Variants in CTNNA1 observed in about 807,000 individuals in gnomAD.
The protein encoded by CTNNA1 is catenin alpha-1.
Under a neutral mutation model 98.4 loss-of-function variants are expected in CTNNA1, and 37 were observed. The ratio of observed to expected loss-of-function variants is 0.38; its 90% confidence interval spans 0.29 to 0.49. The LOEUF is 0.49. CTNNA1 is among the 20% of genes least tolerant of loss of function. CTNNA1 has a pLI of 0.95. For synonymous variants in CTNNA1, 404 were observed against 413.2 expected (o/e 0.98, Z 0.27); for missense variants, 761 against 1,147.2 (o/e 0.66, Z 4.86).
intron 7 of CTNNA1, chr5:138,869,190 A>G (rs913357273): frequency 6.6e-6 from 1 of 150,842 alleles, no homozygotes; most frequent in African/African-American, 2.4e-5. Context: ...AAAAAAAAAA[A>G]CCGCTAAGGA....
chr5:138,926,246 C>T (rs1211604354), intron 13 of CTNNA1, among the ~76,000 whole-genome samples: 1 of 152,196 alleles, frequency 6.6e-6, no homozygotes, highest in South Asian at 2.1e-4. Flanking sequence ...CCATGTGTCA[C>T]TCAGCCCCTT....
chr5:138,875,540 G>A (rs1751295172), intron 7 of CTNNA1: 2 of 985,378 alleles, frequency 2.0e-6, no homozygotes, highest in South Asian at 4.7e-5. Context: ...TTCCTTCAGT[G>A]TAGGAAGCAG....
rs1384856339 is a variant in CTNNA1 at position 138,875,580 on chromosome 5, A to G, written c.1063-10632A>G. The stretch of plus-strand genomic sequence containing the variant: ...GAGGTTGTAATAAAGGCTGCATTCA[A>G]GAAGACCCATCTGAACAGTGAGTTG... On this transcript the variant is annotated intron_variant, in intron 7 of 17. Transcript: ENST00000302763. The G allele has an allele frequency of 4.1e-6, 4 of 985,382 alleles. No homozygotes were observed. In the Admixed American group the frequency reaches 1.8e-4, roughly 45 times the overall value. 61.0% of individuals were successfully genotyped at this position (985,382 alleles called of 1,614,324 possible). A position where few individuals can be genotyped will look rare whatever the true frequency, so the allele number is the denominator to read the frequency against.
chr5:138,797,898 T>G (rs2662544), intron 3 of CTNNA1, among the ~76,000 whole-genome samples: 1 of 151,420 alleles, frequency 6.6e-6, no homozygotes, highest in Admixed American at 6.6e-5. Context: ...AAAAAAAATT[T>G]AAAAAAAGCA....
At chr5:138,933,082 C>T (rs959288455) in intron 17 of CTNNA1, 54 of 680,834 alleles carry the variant, frequency 7.9e-5, no homozygotes, top group African/African-American at 6.8e-4. Context: ...TGCAGTGAGC[C>T]GAGATGGCAC....
At chr5:138,906,285 G>A (rs1759241003) in intron 10 of CTNNA1, among the ~76,000 whole-genome samples, 1 of 152,124 alleles carries the variant, frequency 6.6e-6, no homozygotes, top group Non-Finnish European at 1.5e-5. Context: ...ATTGACAGCT[G>A]CATAGATATT....
chr5:138,785,156 G>A (rs1190678029), intron 3 of CTNNA1, among the ~76,000 whole-genome samples: 1 of 149,612 alleles, frequency 6.7e-6, no homozygotes, highest in African/African-American at 2.5e-5. Flanking sequence ...CCGCCTCCCG[G>A]GTTCACGCCA....
chr5:138,852,930 T>C (rs1763372701), intron 7 of CTNNA1, among the ~76,000 whole-genome samples: 1 of 151,544 alleles, frequency 6.6e-6, no homozygotes, highest in African/African-American at 2.4e-5. Context: ...TGTTCACAAA[T>C]GTTCACAAAC....
rs1467787122 is a variant in CTNNA1 at position 138,863,045 on chromosome 5, A to C, written c.1063-23167A>C. 2.6e-5 allele frequency among the ~76,000 whole-genome samples: 4 copies of C among 152,234 alleles called. No homozygotes were observed. In the South Asian group the frequency reaches 8.3e-4, roughly 32 times the overall value. On this transcript the variant is annotated intron_variant, in intron 7 of 17. Transcript: ENST00000302763. ...TTCTGTTTTACAGGTCAAAGGCCCAAGGTACATAAAGGTTGAAGGACTTGT... is the reference window on the plus strand; with the variant it reads ...TTCTGTTTTACAGGTCAAAGGCCCACGGTACATAAAGGTTGAAGGACTTGT...
chr5:138,912,116 G>C (rs1460951907), intron 10 of CTNNA1, among the ~76,000 whole-genome samples: 14 of 152,196 alleles, frequency 9.2e-5, no homozygotes, highest in Admixed American at 3.9e-4. Context: ...GTGAGTCTAC[G>C]TGAAGGAAAG....
In CTNNA1 at chr5:138,838,940, A is replaced by G. The variant is rs1581220809; in HGVS notation, c.1062+11222A>G. ...GCTACCGTGCCCGGCCTATATTTTC[A>G]TTTTTGTTCAGTTCAAGATATTTTA... On this transcript the variant is annotated intron_variant, in intron 7 of 17. Coordinates refer to ENST00000302763, the MANE Select transcript of CTNNA1 (RefSeq NM_001903.5). Among the ~76,000 whole-genome samples, 3 of 150,890 alleles carry G rather than the reference A, an allele frequency of 2.0e-5. No homozygotes were observed. The South Asian group carries it at 6.3e-4, about 32-fold the overall frequency.
Position 138,874,984 on chromosome 5 carries a change from T to A in CTNNA1, c.1063-11228T>A. 1 of 1,509,682 alleles carries A rather than the reference T, an allele frequency of 6.6e-7. No individual in the cohort carries two copies. 93.5% of individuals were successfully genotyped at this position (1,509,682 alleles called of 1,614,324 possible). On this transcript the variant is annotated intron_variant, in intron 7 of 17. Coordinates refer to ENST00000302763, the MANE Select transcript of CTNNA1 (RefSeq NM_001903.5). The surrounding 1 kb of genome is among the most constrained non-coding windows in gnomAD (Gnocchi z 4.1). ...AACGCAGTGAGTCTGTAAAAGGCTC[T>A]AACATGTAGGAGCCTTTGACCAGTT...
At chr5:138,756,284 G>A (rs935157223) in intron 1 of CTNNA1, among the ~76,000 whole-genome samples, 2 of 152,114 alleles carry the variant, frequency 1.3e-5, no homozygotes, top group East Asian at 3.9e-4. Context: ...ATCCACCTCG[G>A]CCTCCCAAAG....
In CTNNA1 at chr5:138,904,341, GT is replaced by G. The variant is rs1758704121; in HGVS notation, c.1297-5del. 1 of 1,611,168 alleles carries G rather than the reference GT, an allele frequency of 6.2e-7. No homozygotes were observed. Among genetic ancestry groups the G allele is most frequent in the Non-Finnish European group, 8.5e-7 (1 of 1,178,988 alleles). On this transcript the variant is annotated splice_region_variant and splice_polypyrimidine_tract_variant and intron_variant, in intron 9 of 17. Coordinates refer to ENST00000302763, the MANE Select transcript of CTNNA1 (RefSeq NM_001903.5). ...AAAATCTTTAAAGATTATTTTTTATGTTTATAGGTTGCCAACTTGGCCTGTT... is the reference window on the plus strand; with the variant it reads ...AAAATCTTTAAAGATTATTTTTTATGTTATAGGTTGCCAACTTGGCCTGTT...
At chr5:138,916,802 T>G (rs1389031590) in intron 10 of CTNNA1, among the ~76,000 whole-genome samples, 8 of 152,086 alleles carry the variant, frequency 5.3e-5, no homozygotes, top group South Asian at 4.1e-4. Context: ...GACAACAAGT[T>G]TCACTCTTGT....
intron 4 of CTNNA1, among the ~76,000 whole-genome samples, chr5:138,811,699 C>T (rs985401820): frequency 1.2e-4 from 18 of 151,986 alleles, no homozygotes; most frequent in Admixed American, 4.6e-4. Context: ...GCGGATCACT[C>T]GCGGTTAGGA....
chr5:138,768,996 T>C (rs1416567575), intron 1 of CTNNA1, among the ~76,000 whole-genome samples: 1 of 152,174 alleles, frequency 6.6e-6, no homozygotes, highest in East Asian at 1.9e-4. Flanking sequence ...AATGACTGAA[T>C]AGGTCATCCA....
rs183076505 is a variant in CTNNA1 at position 138,831,158 on chromosome 5, G to T, written c.1062+3440G>T. Among the ~76,000 whole-genome samples, 3 of 152,146 alleles carry T rather than the reference G, an allele frequency of 2.0e-5. No individual in the cohort carries two copies. The East Asian group carries it at 5.8e-4, about 29-fold the overall frequency. The stretch of plus-strand genomic sequence containing the variant: ...TCATGTTGTTATTAATATTTTTATG[G>T]ACACACATTCGTAAAGTGTCTTCTT... On this transcript the variant is annotated intron_variant, in intron 7 of 17. Coordinates refer to ENST00000302763, the MANE Select transcript of CTNNA1 (RefSeq NM_001903.5).
chr5:138,793,176 C>G (rs1325281356), intron 3 of CTNNA1, among the ~76,000 whole-genome samples: 1 of 152,164 alleles, frequency 6.6e-6, no homozygotes, highest in Non-Finnish European at 1.5e-5. Context: ...TTAACTTGAG[C>G]AGGAAAAGCA....
Sources: allele counts gnomAD v4.1 joint callset (sites outside exome capture counted in the v4.1 genomes callset), GRCh38; gene constraint gnomAD v4.1.1; non-coding constraint Gnocchi (gnomAD v3.1); transcripts MANE v1.5; gene names NCBI Gene and HGNC (gene_info 2026-07-23, HGNC 2026-07-21).